Variants in GAL3ST1 observed in about 807,000 individuals in gnomAD.
GAL3ST1 encodes galactose-3-O-sulfotransferase 1, also known as galactosylceramide sulfotransferase.
Under a neutral mutation model 25.0 loss-of-function variants are expected in GAL3ST1, and 13 were observed. The observed-to-expected ratio is 0.52, with a 90% confidence interval of 0.34 to 0.83. GAL3ST1 has a LOEUF of 0.83. GAL3ST1 is among the 40% of genes least tolerant of loss of function. The pLI is 0.02. For synonymous variants in GAL3ST1, 274 were observed against 277.8 expected, an observed-to-expected ratio of 0.99 and a Z score of 0.14; for missense variants, 474 against 613.6, an observed-to-expected ratio of 0.77 and a Z score of 2.40.
intron 1 of GAL3ST1, among the ~76,000 whole-genome samples, chr22:30,558,693 G>A (rs1379854222): frequency 6.6e-6 from 1 of 152,178 alleles, no homozygotes; most frequent in Admixed American, 6.5e-5. Flanking sequence ...CAGCTGGGAA[G>A]AAGAAGGCTC....
chr22:30,561,766 A>G (rs773851295), intron 1 of GAL3ST1, among the ~76,000 whole-genome samples: 9 of 152,118 alleles, frequency 5.9e-5, no homozygotes, highest in Non-Finnish European at 1.0e-4. Context: ...AGGGGAGGGA[A>G]AGCAGAGGGG....
chr22:30,555,166 G>T lies in GAL3ST1; in HGVS notation c.1059C>A (p.Asp353Glu). 1 of 1,603,884 alleles carries T rather than the reference G, an allele frequency of 6.2e-7. No homozygotes were observed. Among genetic ancestry groups the T allele is most frequent in the South Asian group, 1.1e-5 (1 of 90,904 alleles). ...TGGCCTCGTCCTGGATGGCGGCGGC[G>T]TCCACGGCGTGGCCCCCGTCGATGC... ...TICIDGGHAV[D>E]AAAIQDEAMQ... Residue 353 changes from aspartate (D) to glutamate (E), a missense_variant, in exon 4 of 4, where the codon GAC (aspartate) becomes GAA (glutamate). By Grantham distance (45) the Asp-to-Glu change is conservative (BLOSUM62 2). Coordinates refer to ENST00000406361, the MANE Select transcript of GAL3ST1 (RefSeq NM_001318104.2). The surrounding 1 kb of genome is among the most constrained non-coding windows in gnomAD (Gnocchi z 8.6).
chr22:30,554,787 T>C lies in GAL3ST1; in HGVS notation c.*166A>G. 5 of 558,824 alleles carry C rather than the reference T, an allele frequency of 8.9e-6. No individual in the cohort carries two copies. Among genetic ancestry groups the C allele is most frequent in the Non-Finnish European group, 1.6e-5 (5 of 319,988 alleles). 34.6% of individuals were successfully genotyped at this position (558,824 alleles called of 1,614,324 possible). A position where few individuals can be genotyped will look rare whatever the true frequency, so the allele number is the denominator to read the frequency against. ...TGATCTCGGTTAGGCCCTCTCTGTG[T>C]TCATGGGCCCAGTCTTGGCTGGCTG... On this transcript the variant is annotated 3_prime_UTR_variant, in exon 4 of 4. Coordinates refer to ENST00000406361, the MANE Select transcript of GAL3ST1 (RefSeq NM_001318104.2).
rs116808844 is a variant in GAL3ST1 at position 30,556,036 on chromosome 22, G to C, written c.189C>G (p.Ile63Met). ...ACTCCCCCGCCGAGCCGTTGGCCCGGATCACTGCCTCTGGCTCGAGTGCAG... is the reference window on the plus strand; with the variant it reads ...ACTCCCCCGCCGAGCCGTTGGCCCGCATCACTGCCTCTGGCTCGAGTGCAG... The part of the protein sequence containing the change: ...SPPALEPEAV[I>M]RANGSAGECQ... Residue 63 changes from isoleucine (I) to methionine (M), a missense_variant, in exon 4 of 4, where the codon ATC (isoleucine) becomes ATG (methionine). By Grantham distance (10) the Ile-to-Met change is conservative (BLOSUM62 1). Around this residue, in one of 2 missense-constraint regions of GAL3ST1, gnomAD observed 115 missense variants for 109.2 expected, o/e 1.05. Transcript: ENST00000406361. The C allele has an allele frequency of 5.6e-6, 9 of 1,612,722 alleles. No individual in the cohort carries two copies. Among genetic ancestry groups the C allele is most frequent in the Admixed American group, 1.7e-5 (1 of 60,016 alleles).
At chr22:30,572,063 G>A (rs764303102) in intron 1 of GAL3ST1, among the ~76,000 whole-genome samples, 6 of 152,132 alleles carry the variant, frequency 3.9e-5, no homozygotes, top group Non-Finnish European at 8.8e-5. Flanking sequence ...GCTTCCTGAG[G>A]GGGGGATTTG....
At chr22:30,557,149 G>C in intron 3 of GAL3ST1, 113 bp downstream of exon 3, 1 of 1,066,356 alleles carries the variant, frequency 9.4e-7, no homozygotes, top group Non-Finnish European at 1.4e-6. Context: ...GCAGGGTGCA[G>C]GGTGGCTACC....
intron 1 of GAL3ST1, among the ~76,000 whole-genome samples, chr22:30,562,243 T>TG (rs1287213944): frequency 2.6e-5 from 4 of 151,932 alleles, no homozygotes; most frequent in South Asian, 2.1e-4. Flanking sequence ...TTTGTAGAGA[T>TG]GGGGGTCTCA....
chr22:30,560,135 C>T (rs35908001), intron 1 of GAL3ST1: 8,153 of 152,106 alleles, frequency 0.054, 306 homozygotes, highest in Non-Finnish European at 0.08. Flanking sequence ...CAGAGTGAGG[C>T]CCCATCTCAA....
At chr22:30,567,789 T>G (rs1048242863) in intron 1 of GAL3ST1, among the ~76,000 whole-genome samples, 1 of 152,032 alleles carries the variant, frequency 6.6e-6, no homozygotes, top group Admixed American at 6.5e-5. Flanking sequence ...GTTCAAGCAA[T>G]TCTCCTGCCT....
intron 1 of GAL3ST1, chr22:30,572,689 G>A (rs749244436): frequency 1.3e-5 from 2 of 152,350 alleles, no homozygotes; most frequent in Non-Finnish European, 2.9e-5. Context: ...CCCCTCACCT[G>A]GAGATTCCAG....
chr22:30,574,220 T>C (rs1452733848), intron 1 of GAL3ST1, among the ~76,000 whole-genome samples: 3 of 151,590 alleles, frequency 2.0e-5, no homozygotes, highest in Non-Finnish European at 4.4e-5. Flanking sequence ...GGAAGGGGGG[T>C]TGGGGGACAG....
In GAL3ST1 at chr22:30,555,901, G is replaced by A. The variant is rs1443543407; in HGVS notation, c.324C>T (p.Phe108=). 1 of 1,614,206 alleles carries A rather than the reference G, an allele frequency of 6.2e-7. No individual in the cohort carries two copies. The highest frequency in any genetic ancestry group is 8.5e-7 in the Non-Finnish European group (1 of 1,180,036). Residue 108 remains phenylalanine, a synonymous_variant, in exon 4 of 4, where the codon TTC becomes TTT. Coordinates refer to ENST00000406361, the MANE Select transcript of GAL3ST1 (RefSeq NM_001318104.2). This position sits in a 1 kb window ranked among gnomAD's most constrained non-coding sequence, Gnocchi z 8.6. ...AGTCGAAGTCATTGCGGCCGTTAGG[G>A]AAGGCGAACTTGAGCCGGTGCTTCT... ...FGQKHRLKFA[F]PNGRNDFDYP...
chr22:30,563,848 G>A (rs535657085), intron 1 of GAL3ST1, among the ~76,000 whole-genome samples: 4 of 150,846 alleles, frequency 2.7e-5, no homozygotes, highest in Non-Finnish European at 5.9e-5. Context: ...CCCAGGAGGC[G>A]GAGCTTGCAG....
chr22:30,558,601 T>A (rs2086186921), intron 1 of GAL3ST1, among the ~76,000 whole-genome samples: 1 of 152,070 alleles, frequency 6.6e-6, no homozygotes, highest in African/African-American at 2.4e-5. Context: ...AGGTGCCCAG[T>A]AAGAGCCCAG....
At chr22:30,556,341 C>T (rs1407693397) in intron 3 of GAL3ST1, among the ~76,000 whole-genome samples, 2 of 152,108 alleles carry the variant, frequency 1.3e-5, no homozygotes, top group Admixed American at 1.3e-4. Flanking sequence ...GGCACACAGG[C>T]TCTCCTCTCA....
rs144400477 is a variant in GAL3ST1, at chr22:30,555,330, C to T, written c.895G>A (p.Ala299Thr). The change falls in exon 4 of 4, where the codon GCC becomes ACC. Residue 299 changes from alanine to threonine, a missense_variant. Physicochemically the swap from Ala to Thr is moderately conservative, Grantham distance 58. Around this residue, in one of 2 missense-constraint regions of GAL3ST1, gnomAD observed 359 missense variants for 504.4 expected, o/e 0.71. Coordinates refer to ENST00000406361, the MANE Select transcript of GAL3ST1 (RefSeq NM_001318104.2). This position sits in a 1 kb window ranked among gnomAD's most constrained non-coding sequence, Gnocchi z 8.6. Reference protein sequence around the residue: ...LSGELYGRATAWNMLDSHLYR... With the variant: ...LSGELYGRATTWNMLDSHLYR... ...AGGTGGGAGTCCAGCATGTTCCAGG[C>T]GGTGGCGCGCCCATACAGCTCCCCC... The T allele has an allele frequency of 1.5e-5, 24 of 1,606,796 alleles. No homozygotes were observed. The highest frequency in any genetic ancestry group is 8.5e-6 in the Non-Finnish European group (10 of 1,178,894).
At chr22:30,559,110 A>G (rs2086217848) in intron 1 of GAL3ST1, among the ~76,000 whole-genome samples, 1 of 151,942 alleles carries the variant, frequency 6.6e-6, no homozygotes, top group Non-Finnish European at 1.5e-5. Context: ...GTGAGCCAAG[A>G]TGGTGCCACT....
At chr22:30,572,102 C>G (rs907113147) in intron 1 of GAL3ST1, among the ~76,000 whole-genome samples, 1 of 152,122 alleles carries the variant, frequency 6.6e-6, no homozygotes, top group Non-Finnish European at 1.5e-5. Flanking sequence ...CTAACTGGGG[C>G]GTTGCAAGTC....
At chr22:30,567,204 A>G (rs2086652171) in intron 1 of GAL3ST1, among the ~76,000 whole-genome samples, 1 of 152,136 alleles carries the variant, frequency 6.6e-6, no homozygotes, top group South Asian at 2.1e-4. Flanking sequence ...GATTAAAAGA[A>G]CCCCAACCCC....
Sources: allele counts gnomAD v4.1 joint callset (sites outside exome capture counted in the v4.1 genomes callset), GRCh38; gene constraint gnomAD v4.1.1; regional missense constraint gnomAD v4.1.1; non-coding constraint Gnocchi (gnomAD v3.1); transcripts MANE v1.5; gene names NCBI Gene and HGNC (gene_info 2026-07-23, HGNC 2026-07-21).